The following ZNF782 variants were observed in gnomAD, a reference collection of about 807,000 sequenced individuals.
ZNF782 encodes the protein zinc finger protein 782.
Under a neutral mutation model 13.0 loss-of-function variants are expected in ZNF782, and 12 were observed. The observed-to-expected ratio is 0.92, with a 90% CI of 0.59 to 1.50. The LOEUF is 1.50. Ranked by LOEUF, ZNF782 falls within the 40% of genes most tolerant of loss-of-function variation. The pLI, the probability that ZNF782 is intolerant of heterozygous loss-of-function variation, is 0.00. For synonymous variants in ZNF782, 284 were observed against 283.0 expected, an observed-to-expected ratio of 1.00 and a Z score of -0.04; for missense variants, 770 against 822.9, an observed-to-expected ratio of 0.94 and a Z score of 0.79.
At chr9:96,915,964 G>T in the ZNF782 span, among the ~76,000 whole-genome samples, 1 of 150,106 alleles carries the variant, frequency 6.7e-6, no homozygotes, top group East Asian at 1.9e-4. Context: ...CATAAGAAAT[G>T]TAAGAGCTGG....
At chr9:96,877,647 G>C (rs763654243), upstream of ZNF782, among the ~76,000 whole-genome samples, 1 of 152,234 alleles carries the variant, frequency 6.6e-6, no homozygotes, top group Non-Finnish European at 1.5e-5. Flanking sequence ...GGCGGGGTCC[G>C]TTCCTTGCGG....
chr9:96,899,107 G>C, the ZNF782 span, among the ~76,000 whole-genome samples: 2 of 149,714 alleles, frequency 1.3e-5, no homozygotes, highest in African/African-American at 5.0e-5. Context: ...GAATCATATA[G>C]TATTTTTCCT....
the ZNF782 span, among the ~76,000 whole-genome samples, chr9:96,902,261 T>C: frequency 1.0e-4 from 15 of 149,954 alleles, no homozygotes; most frequent in African/African-American, 3.2e-4. Context: ...CTGTCTCTAC[T>C]AAAAATACAA....
intron 3 of ZNF782, among the ~76,000 whole-genome samples, chr9:96,849,732 C>T (rs1851437237): frequency 6.6e-6 from 1 of 151,968 alleles, no homozygotes; most frequent in Non-Finnish European, 1.5e-5. Context: ...AACAGCCAAC[C>T]CACAGAATGG....
chr9:96,865,378 G>T (rs1362861729), intron 1 of ZNF782, among the ~76,000 whole-genome samples: 1 of 151,914 alleles, frequency 6.6e-6, no homozygotes, highest in African/African-American at 2.4e-5. Flanking sequence ...GAGATCTGAT[G>T]GTATTATAAG....
the ZNF782 span, among the ~76,000 whole-genome samples, chr9:96,882,275 A>C: frequency 2.0e-5 from 3 of 152,128 alleles, no homozygotes; most frequent in African/African-American, 7.2e-5. Context: ...TATTGGACAG[A>C]AGCAGCTTTA....
the ZNF782 span, chr9:96,919,301 CCTTA>C: frequency 6.6e-5 from 7 of 106,484 alleles, no homozygotes; most frequent in African/African-American, 2.2e-4. Context: ...TAACTTAAAA[CCTTA>C]CTTAAAGTAC....
At chr9:96,834,105 T>C (rs1850903854) in intron 4 of ZNF782, among the ~76,000 whole-genome samples, 1 of 152,210 alleles carries the variant, frequency 6.6e-6, no homozygotes, top group South Asian at 2.1e-4. Flanking sequence ...ATTAATGCCC[T>C]CTGACATGGT....
intron 4 of ZNF782, among the ~76,000 whole-genome samples, chr9:96,831,408 T>G (rs906713562): frequency 6.6e-6 from 1 of 152,136 alleles, no homozygotes; most frequent in Non-Finnish European, 1.5e-5. Context: ...ACATTTAGGA[T>G]TTAAAAATTG....
At chr9:96,876,945 A>C (rs1851899894), upstream of ZNF782, among the ~76,000 whole-genome samples, 1 of 29,642 alleles carries the variant, frequency 3.4e-5, no homozygotes, top group African/African-American at 1.5e-4. Flanking sequence ...CTCCGACTCA[A>C]AAAAAAAAAA....
chr9:96,912,837 G>T, the ZNF782 span, among the ~76,000 whole-genome samples: 1 of 151,152 alleles, frequency 6.6e-6, no homozygotes, highest in Non-Finnish European at 1.5e-5. Flanking sequence ...TTTTTTTTCC[G>T]TTTTTTTGTT....
chr9:96,822,158 C>T (rs947997553), intron 5 of ZNF782, among the ~76,000 whole-genome samples: 1 of 152,220 alleles, frequency 6.6e-6, no homozygotes, highest in Non-Finnish European at 1.5e-5. Flanking sequence ...CTAACCTACA[C>T]CTGATTATTC....
chr9:96,826,987 T>A, intron 5 of ZNF782, 93 bp downstream of exon 5: 1 of 791,256 alleles, frequency 1.3e-6, no homozygotes, highest in Non-Finnish European at 1.9e-6. Context: ...TTTCAGTGTA[T>A]AAATTTTAAC....
At position 96,874,489 on chromosome 9, in the gene ZNF782, C is replaced by G. The variant is rs78152161; in HGVS notation, c.-457+979G>C. On this transcript the variant is annotated intron_variant, in intron 1 of 5. Transcript: ENST00000498811. ...CTTACCTCTTACCCCTAGACCTCCC[C>G]ACAAGCTCTCCTTTGAAGTGGCCTC... Among the ~76,000 whole-genome samples the G allele has an allele frequency of 9.2e-3, 1,402 of 152,272 alleles. 53 individuals are homozygous for G. In the East Asian group the frequency reaches 0.1, roughly 11 times the overall value.
the ZNF782 span, among the ~76,000 whole-genome samples, chr9:96,907,343 G>C: frequency 9.2e-5 from 14 of 152,100 alleles, no homozygotes; most frequent in African/African-American, 3.4e-4. Context: ...AGGAGCTGGG[G>C]AAAGGAGAAA....
chr9:96,820,427 G>A (rs576534607), intron 5 of ZNF782, among the ~76,000 whole-genome samples: 5 of 152,258 alleles, frequency 3.3e-5, no homozygotes, highest in African/African-American at 1.2e-4. Context: ...ACATGTGTAA[G>A]TGGAAATGTA....
At chr9:96,876,976 AGAAGAAGAAAAG>A (rs1851901307), upstream of ZNF782, among the ~76,000 whole-genome samples, 3 of 138,640 alleles carry the variant, frequency 2.2e-5, no homozygotes, top group African/African-American at 5.7e-5. Context: ...AAAAAAAAGA[AGAAGAAGAAAAG>A]AAAAAAGAAA....
chr9:96,892,077 G>A, the ZNF782 span: 19 of 152,162 alleles, frequency 1.2e-4, no homozygotes, highest in African/African-American at 4.6e-4. Flanking sequence ...GGCAATCAGG[G>A]GGGCTATAGG....
chr9:96,817,804 A>G lies in ZNF782; in HGVS notation c.*119T>C. ...TTCTTTGATATTTGGTGGAGGCTGA[A>G]ATTGTAGAGGAAATTCCAGTGCTCA... On this transcript the variant is annotated 3_prime_UTR_variant, in exon 6 of 6. Transcript: ENST00000481138. The G allele has an allele frequency of 1.1e-6, 1 of 872,860 alleles. No individual in the cohort carries two copies. Among genetic ancestry groups the G allele is most frequent in the Non-Finnish European group, 1.7e-6 (1 of 596,526 alleles). The allele number at this position is 872,860 out of a possible 1,614,324, so 54.1% of individuals were successfully genotyped here.
Sources: gnomAD v4.1 joint callset for allele counts (sites outside exome capture counted in the v4.1 genomes callset) on GRCh38, gnomAD v4.1.1 for gene constraint, MANE v1.5 for transcripts, NCBI Gene and HGNC (gene_info 2026-07-23, HGNC 2026-07-21) for gene names.